Variants in POC1B observed in about 807,000 individuals in gnomAD.
POC1B encodes the protein POC1 centriolar protein B, also known as POC1 centriolar protein homolog B.
Under a neutral mutation model 60.6 loss-of-function variants are expected in POC1B, and 44 were observed. The ratio of observed to expected loss-of-function variants is 0.73; its 90% CI spans 0.57 to 0.93. POC1B has a LOEUF of 0.93. POC1B is among the 40% of genes least tolerant of loss of function. The pLI is 0.00. For missense variants in POC1B, 555 were observed against 572.3 expected (o/e 0.97, Z 0.31); for synonymous variants, 180 against 198.9 (o/e 0.90, Z 0.80).
chr12:89,522,197 A>G (rs561161314), intron 2 of POC1B: 9 of 398,552 alleles, frequency 2.3e-5, no homozygotes, highest in Non-Finnish European at 3.5e-5. Flanking sequence ...AAATATGGGT[A>G]TGTCTGCATG....
intron 7 of POC1B, 38 bp from the exon 8 acceptor site, chr12:89,467,723 G>GT: frequency 6.6e-7 from 1 of 1,504,340 alleles, no homozygotes; most frequent in Non-Finnish European, 9.2e-7. Flanking sequence ...AAAGTACTTG[G>GT]TAATGCTTTC....
At chr12:89,453,182 G>C (rs768691851) in intron 10 of POC1B, among the ~76,000 whole-genome samples, 1 of 152,160 alleles carries the variant, frequency 6.6e-6, no homozygotes, top group Non-Finnish European at 1.5e-5. Flanking sequence ...TAATTTCGAA[G>C]GGGAATGTTT....
intron 10 of POC1B, among the ~76,000 whole-genome samples, chr12:89,452,876 A>G (rs1166661776): frequency 2.6e-5 from 4 of 152,136 alleles, no homozygotes; most frequent in African/African-American, 9.7e-5. Context: ...ATCCCAAATC[A>G]ATTTTTTTTA....
intron 10 of POC1B, among the ~76,000 whole-genome samples, chr12:89,437,378 G>C (rs979807012): frequency 2.0e-5 from 3 of 151,868 alleles, no homozygotes; most frequent in African/African-American, 7.3e-5. Flanking sequence ...ATCTTTTCTT[G>C]TTCCTCAAAC....
chr12:89,523,196 C>T (rs1174570341), intron 2 of POC1B: 1 of 1,613,940 alleles, frequency 6.2e-7, no homozygotes, highest in Admixed American at 1.7e-5. Context: ...GACGAGATCC[C>T]TCTACTGCGA....
At chr12:89,499,903 T>C (rs529351109) in intron 2 of POC1B, among the ~76,000 whole-genome samples, 3 of 152,374 alleles carry the variant, frequency 2.0e-5, no homozygotes, top group Non-Finnish European at 4.4e-5. Context: ...GCAGAGCCAA[T>C]GGCCGGGAAG....
intron 4 of POC1B, among the ~76,000 whole-genome samples, chr12:89,485,017 A>G (rs1468980681): frequency 6.6e-6 from 1 of 152,248 alleles, no homozygotes; most frequent in African/African-American, 2.4e-5. Flanking sequence ...GCAAAAGAAG[A>G]AGGCCCTGAC....
chr12:89,512,535 G>C (rs1870238129), intron 2 of POC1B, among the ~76,000 whole-genome samples: 1 of 152,166 alleles, frequency 6.6e-6, no homozygotes, highest in African/African-American at 2.4e-5. Context: ...AAGGCAGAAG[G>C]ACTACGATAG....
In POC1B at chr12:89,459,671, A is replaced by G. The variant is rs1370999775; in HGVS notation, c.1080T>C (p.Pro360=). 2 of 1,535,552 alleles carry G rather than the reference A, an allele frequency of 1.3e-6. No homozygotes were observed. Among genetic ancestry groups the G allele is most frequent in the Admixed American group, 2.0e-5 (1 of 49,886 alleles). ...AATCAAAAGAAAGGATATCCATAAC[A>G]GGGGGAGTAGAGATCTGCAAATCGA... The part of the protein sequence containing the change: ...EVIDLQISTP[P]VMDILSFDST... The change falls in exon 10 of 12, where the codon CCT becomes CCC. Residue 360 remains proline, a synonymous_variant. Coordinates refer to ENST00000313546, the MANE Select transcript of POC1B (RefSeq NM_172240.3).
intron 4 of POC1B, among the ~76,000 whole-genome samples, chr12:89,476,622 C>T (rs1883113656): frequency 1.3e-5 from 2 of 152,006 alleles, no homozygotes. Context: ...GCAAGAGAAT[C>T]AGGGAGGCGG....
At chr12:89,525,361 G>A (rs1283312136) in intron 1 of POC1B, 157 bp from the exon 2 acceptor site, 13 of 1,427,370 alleles carry the variant, frequency 9.1e-6, no homozygotes, top group African/African-American at 2.9e-5. Context: ...CCACCCACGG[G>A]CGCGGCGCCC....
chr12:89,525,368 G>C (rs1871364453), intron 1 of POC1B, 164 bp from the exon 2 acceptor site: 3 of 1,422,940 alleles, frequency 2.1e-6, no homozygotes, highest in Middle Eastern at 2.6e-4. Flanking sequence ...CGGGCGCGGC[G>C]CCCAGTCCTG....
downstream of POC1B, among the ~76,000 whole-genome samples, chr12:89,416,641 T>C (rs754905477): frequency 6.6e-6 from 1 of 152,232 alleles, no homozygotes; most frequent in Non-Finnish European, 1.5e-5. Context: ...AGTGTATGTC[T>C]GCTTCACCCT....
chr12:89,483,240 C>T (rs1452859775), intron 4 of POC1B, among the ~76,000 whole-genome samples: 7 of 152,152 alleles, frequency 4.6e-5, no homozygotes, highest in Non-Finnish European at 1.0e-4. Flanking sequence ...TCACGATATT[C>T]GATAGTTTTA....
chr12:89,405,012 G>C, the POC1B span, among the ~76,000 whole-genome samples: 1 of 152,124 alleles, frequency 6.6e-6, no homozygotes, highest in Non-Finnish European at 1.5e-5. Context: ...ACTGTGCTCT[G>C]CCTCCTCCAG....
chr12:89,516,731 T>G (rs994151450), intron 2 of POC1B, among the ~76,000 whole-genome samples: 4 of 152,168 alleles, frequency 2.6e-5, no homozygotes, highest in Admixed American at 6.5e-5. Context: ...GAAATCATGG[T>G]GTTGGCCGGG....
chr12:89,500,313 C>T, intron 2 of POC1B: 1 of 1,528,220 alleles, frequency 6.5e-7, no homozygotes, highest in Non-Finnish European at 9.0e-7. Context: ...ATTCAGTCAC[C>T]AAGCAAAGAG....
chr12:89,524,298 C>T (rs762034669), intron 2 of POC1B: 1 of 1,614,022 alleles, frequency 6.2e-7, no homozygotes, highest in Non-Finnish European at 8.5e-7. Flanking sequence ...CCTCGTTGAG[C>T]TGGAGTTTGC....
At chr12:89,491,844 A>G (rs957124021) in intron 4 of POC1B, 92 bp downstream of exon 4, 128 of 1,061,626 alleles carry the variant, frequency 1.2e-4, no homozygotes, top group Non-Finnish European at 1.3e-5. Context: ...GAATGAATGA[A>G]TATGTCCTCA....
Sources: gnomAD v4.1 joint callset for allele counts (sites outside exome capture counted in the v4.1 genomes callset) on GRCh38, gnomAD v4.1.1 for gene constraint, MANE v1.5 for transcripts, NCBI Gene and HGNC (gene_info 2026-07-23, HGNC 2026-07-21) for gene names.